Variants in METTL27 observed in about 807,000 individuals in gnomAD.
The protein encoded by METTL27 is methyltransferase like 27, also known as methyltransferase-like protein 27.
Under a neutral mutation model 24.5 loss-of-function variants are expected in METTL27, and 29 were observed. That is an observed-to-expected ratio of 1.18 (90% CI 0.88 to 1.61). The LOEUF is 1.61. Ranked by LOEUF, METTL27 falls within the 40% of genes most tolerant of loss-of-function variation. The pLI, the probability that METTL27 is intolerant of heterozygous loss-of-function variation, is 0.00. For synonymous variants in METTL27, 138 were observed against 146.8 expected (o/e 0.94, Z 0.43); for missense variants, 341 against 324.3 (o/e 1.05, Z -0.40).
Position 73,840,411 on chromosome 7 carries a change from T to C in METTL27, c.388+3A>G, listed in dbSNP as rs1554636122. On this transcript the variant is annotated splice_donor_region_variant and intron_variant, in intron 4 of 5. Coordinates refer to ENST00000297873, the MANE Select transcript of METTL27 (RefSeq NM_152559.3). ...CGGGGTGTGGAGGTGGGAGAGAAAG[T>C]ACCTTCCGGGCTGGGCAGAGGCTCC... The C allele has an allele frequency of 1.3e-6, 2 of 1,569,820 alleles. No homozygotes were observed. The highest frequency in any genetic ancestry group is 2.3e-5 in the South Asian group (2 of 86,002).
chr7:73,838,033 T>G (rs1788256640), intron 5 of METTL27, among the ~76,000 whole-genome samples: 1 of 151,856 alleles, frequency 6.6e-6, no homozygotes, highest in Non-Finnish European at 1.5e-5. Flanking sequence ...ATTTTTTTTT[T>G]GTAGAGATGG....
rs1554636144 is a variant in METTL27 at position 73,840,457 on chromosome 7, G to A, written c.345C>T (p.Leu115=). 6.2e-7 allele frequency: 1 copy of A among 1,603,150 alleles called. No individual in the cohort carries two copies. The highest frequency in any genetic ancestry group is 8.5e-7 in the Non-Finnish European group (1 of 1,175,624). ...GCTCCTGGCCCAGGGTGCAGAGGCT[G>A]AGGCGCTGATAGAGGCCGGGGGCCT... ...QAQAPGLYQR[L]SLCTLGQEPL... is the part of the protein sequence containing the mutation. The change falls in exon 4 of 6, where the codon CTC becomes CTT. Residue 115 remains leucine (L), a synonymous_variant. Transcript: ENST00000297873.
chr7:73,836,193 C>CT (rs1788185688), intron 5 of METTL27, among the ~76,000 whole-genome samples: 1 of 45,452 alleles, frequency 2.2e-5, no homozygotes, highest in Non-Finnish European at 6.5e-5. Flanking sequence ...GGGTCAGCCC[C>CT]CCGCCAGGCC....
At chr7:73,842,336 A>G (rs1788389382) in intron 1 of METTL27, among the ~76,000 whole-genome samples, 154 bp downstream of exon 1, 1 of 152,010 alleles carries the variant, frequency 6.6e-6, no homozygotes, top group African/African-American at 2.4e-5. Context: ...CTGGGGCTGC[A>G]GGGCTGGGGG....
chr7:73,837,317 T>TA (rs56009726), intron 5 of METTL27, among the ~76,000 whole-genome samples: 77,380 of 137,086 alleles, frequency 0.56, 22,816 homozygotes, highest in Non-Finnish European at 0.66. Context: ...TTAAAAAAAA[T>TA]AAAAAAAAAT....
Position 73,834,832 on chromosome 7 carries a change from A to C in METTL27, c.649T>G (p.Trp217Gly), listed in dbSNP as rs1376601095. 1 of 1,614,086 alleles carries C rather than the reference A, an allele frequency of 6.2e-7. No homozygotes were observed. The highest frequency in any genetic ancestry group is 1.1e-5 in the South Asian group (1 of 91,080). Residue 217 changes from tryptophan (W) to glycine (G), a missense_variant, in exon 6 of 6, where the codon TGG becomes GGG. Coordinates refer to ENST00000297873, the MANE Select transcript of METTL27 (RefSeq NM_152559.3). ...ATCCTTGGCAGAGATGCCGGATACCACCTCCAGCTCGGAGGTAGCCAGCTC... is the reference window on the plus strand; with the variant it reads ...ATCCTTGGCAGAGATGCCGGATACCCCCTCCAGCTCGGAGGTAGCCAGCTC... The part of the protein sequence containing the change: ...AGSWLPPSWR[W>G]YPASLPRMAS...
chr7:73,840,303 C>T, intron 4 of METTL27, 111 bp downstream of exon 4: 2 of 1,513,196 alleles, frequency 1.3e-6, no homozygotes, highest in Non-Finnish European at 8.9e-7. Context: ...TCGTGGGGTG[C>T]AGGGTTGAGT....
At position 73,840,109 on chromosome 7, in the gene METTL27, C is replaced by T. The variant is rs200431162; in HGVS notation, c.400G>A (p.Ala134Thr). Residue 134 changes from alanine (A) to threonine (T), a missense_variant, in exon 5 of 6, where the codon GCG (alanine) becomes ACG (threonine). Transcript: ENST00000297873. ...CTGAGGGCACCGACTATCAGCACCG[C>T]GTCGAAGGTCCCTGTGTGTGTGTGG... ...PLPSPEGTFD[A>T]VLIVGALSDG... 1.5e-5 allele frequency: 23 copies of T among 1,570,538 alleles called. No individual in the cohort carries two copies. The highest frequency in any genetic ancestry group is 1.7e-4 in the Middle Eastern group (1 of 5,920).
At position 73,841,153 on chromosome 7, in the gene METTL27, AG is replaced by A; in HGVS notation, c.168del (p.Cys57AlafsTer14). 1 of 1,547,702 alleles carries A rather than the reference AG, an allele frequency of 6.5e-7. No individual in the cohort carries two copies. Among genetic ancestry groups the A allele is most frequent in the South Asian group, 1.2e-5 (1 of 80,218 alleles). ...LLYRAPRLAV[D>X]CLTQALPGPP... ...GGGCCTGGAAGGGCTTGTGTGAGGC[AG>A]TCCACTGCGAGGCGGGGCGCACGGT... On this transcript the variant is annotated frameshift_variant, in exon 3 of 6. Coordinates refer to ENST00000297873, the MANE Select transcript of METTL27 (RefSeq NM_152559.3). LOFTEE classifies it high-confidence loss of function.
intron 5 of METTL27, among the ~76,000 whole-genome samples, chr7:73,838,023 AT>A (rs71519309): frequency 3.6e-4 from 53 of 146,194 alleles, no homozygotes; most frequent in African/African-American, 1.1e-3. Flanking sequence ...CTAATTAAAC[AT>A]TTTTTTTTTG....
Position 73,840,119 on chromosome 7 carries a change from C to T in METTL27, c.390G>A (p.Gly130=). 1 of 1,575,678 alleles carries T rather than the reference C, an allele frequency of 6.3e-7. No individual in the cohort carries two copies. The highest frequency in any genetic ancestry group is 8.6e-7 in the Non-Finnish European group (1 of 1,162,886). ...CGACTATCAGCACCGCGTCGAAGGT[C>T]CCTGTGTGTGTGTGGGGGGGGGTGG... ...LGQEPLPSPE[G]TFDAVLIVGA... is the part of the protein sequence containing the mutation. The change falls in exon 5 of 6, where the codon GGG becomes GGA. Residue 130 remains glycine (G), a splice_region_variant and synonymous_variant. Coordinates refer to ENST00000297873, the MANE Select transcript of METTL27 (RefSeq NM_152559.3).
In METTL27 at chr7:73,834,650, C is replaced by T; in HGVS notation, c.*93G>A. On this transcript the variant is annotated 3_prime_UTR_variant, in exon 6 of 6. Transcript: ENST00000297873. The stretch of plus-strand genomic sequence containing the variant: ...TGAGGGGCAGGGTTGGTTCGGAGGT[C>T]CCATTTTACAGGGGAGGCAGAGGAG... 1 of 1,172,040 alleles carries T rather than the reference C, an allele frequency of 8.5e-7. No homozygotes were observed. Among genetic ancestry groups the T allele is most frequent in the Non-Finnish European group, 1.2e-6 (1 of 826,354 alleles). The allele number at this position is 1,172,040 out of a possible 1,614,324, so 72.6% of individuals were successfully genotyped here. A position where few individuals can be genotyped will look rare whatever the true frequency, so the allele number is the denominator to read the frequency against.
rs1788381231 is a variant in METTL27, at chr7:73,842,094, A to G, written c.47T>C (p.Val16Ala). Residue 16 changes from valine (V) to alanine (A), a missense_variant, in exon 2 of 6, where the codon GTC (valine) becomes GCC (alanine). Coordinates refer to ENST00000297873, the MANE Select transcript of METTL27 (RefSeq NM_152559.3). ...GGSLPEVRAR[V>A]RAAHGIPDLA... ...GTCGGGGATGCCATGCGCGGCCCTG[A>G]CCCGCGCCCGCACCTCGGGCAGGCT... The G allele has an allele frequency of 6.2e-7, 1 of 1,612,714 alleles. No individual in the cohort carries two copies. Among genetic ancestry groups the G allele is most frequent in the South Asian group, 1.1e-5 (1 of 91,010 alleles).
chr7:73,841,925 C>CA, intron 2 of METTL27, 93 bp downstream of exon 2: 1 of 1,600,848 alleles, frequency 6.2e-7, no homozygotes, highest in Non-Finnish European at 8.5e-7. Context: ...ACTTCGTCCT[C>CA]ACAGCCGCCC....
chr7:73,835,733 T>C (rs1788155518), intron 5 of METTL27, among the ~76,000 whole-genome samples: 1 of 85,416 alleles, frequency 1.2e-5, no homozygotes, highest in Non-Finnish European at 2.6e-5. Context: ...GTGAGGAGCG[T>C]CTCCGCCCGG....
intron 1 of METTL27, 117 bp from the exon 2 acceptor site, chr7:73,842,261 T>C: frequency 6.9e-7 from 1 of 1,441,164 alleles, no homozygotes; most frequent in Non-Finnish European, 9.1e-7. Flanking sequence ...GCGCGACCCC[T>C]ATCCCGGCCC....
chr7:73,841,229 G>A (rs372780103), intron 2 of METTL27, 31 bp from the exon 3 acceptor site: 87 of 1,547,470 alleles, frequency 5.6e-5, no homozygotes, highest in Non-Finnish European at 6.6e-5. Context: ...CTACAACACC[G>A]GTGCCCCAGT....
At chr7:73,838,635 G>A (rs1554635753) in intron 5 of METTL27, among the ~76,000 whole-genome samples, 1 of 152,184 alleles carries the variant, frequency 6.6e-6, no homozygotes, top group African/African-American at 2.4e-5. Flanking sequence ...GGGCTGAAGG[G>A]CTTAGCAAGC....
At chr7:73,841,994 A>G in intron 2 of METTL27, 24 bp downstream of exon 2, 1 of 1,613,896 alleles carries the variant, frequency 6.2e-7, no homozygotes, top group East Asian at 2.2e-5. Context: ...GGTCTAGTGG[A>G]GGCAAGGCCC....
Sources: allele counts gnomAD v4.1 joint callset (sites outside exome capture counted in the v4.1 genomes callset), GRCh38; gene constraint gnomAD v4.1.1; transcripts MANE v1.5; gene names NCBI Gene and HGNC (gene_info 2026-07-23, HGNC 2026-07-21).